BRF1: variants seen among roughly 807,000 people sequenced by gnomAD.
BRF1 encodes BRF1 general transcription factor IIIB subunit.
A neutral mutation model predicts 81.7 loss-of-function variants in BRF1; 59 were observed. That is an observed-to-expected ratio of 0.72 (90% CI 0.59 to 0.90). The LOEUF (loss-of-function observed/expected upper bound fraction) is 0.90, where lower values mean the gene tolerates loss of function less well. Ranked by LOEUF, BRF1 falls within the 40% of genes least tolerant of loss-of-function variation. The pLI is 0.00. For missense variants in BRF1, 1,050 were observed against 936.3 expected, an observed-to-expected ratio of 1.12 and a Z score of -1.58; for synonymous variants, 491 against 395.6, an observed-to-expected ratio of 1.24 and a Z score of -2.86.
intron 16 of BRF1, chr14:105,211,899 C>T (rs957307794): frequency 1.4e-5 from 9 of 649,348 alleles, no homozygotes; most frequent in South Asian, 5.5e-5. Context: ...AGGCACACAA[C>T]GGTCCCCACT....
At chr14:105,247,331 A>C in intron 5 of BRF1, 1 of 985,312 alleles carries the variant, frequency 1.0e-6, no homozygotes, top group Non-Finnish European at 1.2e-6. Flanking sequence ...CACCAACACT[A>C]CGTGACAAGT....
intron 15 of BRF1, among the ~76,000 whole-genome samples, chr14:105,215,812 GGCACACACACAT>G (rs1165330925): frequency 4.5e-5 from 5 of 111,008 alleles, no homozygotes; most frequent in Admixed American, 1.0e-4. Context: ...TGCATACACA[GGCACACACACAT>G]GCACACACAC....
intron 1 of BRF1, among the ~76,000 whole-genome samples, chr14:105,299,654 G>C (rs1292528915): frequency 1.3e-5 from 2 of 152,176 alleles, no homozygotes; most frequent in African/African-American, 4.8e-5. Flanking sequence ...CCCTAATAAG[G>C]TTGAACATCA....
chr14:105,210,736 G>C lies in BRF1; in HGVS notation c.1997-148C>G. The C allele has an allele frequency of 1.1e-6, 1 of 880,390 alleles. No homozygotes were observed. 54.5% of individuals were successfully genotyped at this position (880,390 alleles called of 1,614,324 possible). A position where few individuals can be genotyped will look rare whatever the true frequency, so the allele number is the denominator to read the frequency against. On this transcript the variant is annotated intron_variant, in intron 17 of 17. Transcript: ENST00000547530. The surrounding 1 kb of genome is among the most constrained non-coding windows in gnomAD (Gnocchi z 4.7). ...CCCGCGCCCCGCCAGGAGCCATCTT[G>C]GGCTCCTCTCCACCTCCCGGGACTG...
intron 3 of BRF1, among the ~76,000 whole-genome samples, chr14:105,267,328 G>A (rs1293210044): frequency 2.0e-5 from 3 of 150,758 alleles, no homozygotes; most frequent in East Asian, 3.9e-4. Context: ...TTTTTGAGAC[G>A]GGGCTCACTC....
chr14:105,282,958 T>TA (rs1487889906), intron 2 of BRF1, among the ~76,000 whole-genome samples: 1 of 151,246 alleles, frequency 6.6e-6, no homozygotes, highest in Non-Finnish European at 1.5e-5. Flanking sequence ...AAACAAAAGG[T>TA]AAGATAAATA....
chr14:105,225,622 G>C (rs983097244), intron 10 of BRF1, among the ~76,000 whole-genome samples: 1 of 151,510 alleles, frequency 6.6e-6, no homozygotes, highest in African/African-American at 2.4e-5. Flanking sequence ...GCCCCGCAAA[G>C]CTGTCTTTTG....
At chr14:105,268,936 G>A (rs1490371280) in intron 3 of BRF1, among the ~76,000 whole-genome samples, 1 of 152,230 alleles carries the variant, frequency 6.6e-6, no homozygotes, top group African/African-American at 2.4e-5. Context: ...GATTTTCTGT[G>A]GAAGGGAAGT....
At chr14:105,259,560 C>G (rs890161076) in intron 3 of BRF1, among the ~76,000 whole-genome samples, 11 of 152,216 alleles carry the variant, frequency 7.2e-5, no homozygotes, top group African/African-American at 2.7e-4. Context: ...CAAGAATACT[C>G]TGGCTGGTAT....
At chr14:105,302,209 T>C (rs1348278996), upstream of BRF1, among the ~76,000 whole-genome samples, 3 of 150,152 alleles carry the variant, frequency 2.0e-5, no homozygotes, top group African/African-American at 4.9e-5. Context: ...TCTTTCTTTT[T>C]TTTTTTTTTT....
intron 1 of BRF1, among the ~76,000 whole-genome samples, chr14:105,290,318 C>G (rs1361962765): frequency 6.6e-6 from 1 of 152,134 alleles, no homozygotes; most frequent in African/African-American, 2.4e-5. Context: ...ACTCAGGAGG[C>G]TGAAGCGGGA....
At position 105,314,119 on chromosome 14, in the gene BRF1, C is replaced by T. The variant is rs587627693; in HGVS notation, c.-162+1203G>A. Reference sequence around the variant, plus strand: ...CGCCCCGAGTGGCTTCGAGTCCCCGCGACCGCCGCCAGGCCCGGCCACCTC... The same window carrying T: ...CGCCCCGAGTGGCTTCGAGTCCCCGTGACCGCCGCCAGGCCCGGCCACCTC... On this transcript the variant is annotated intron_variant, in intron 1 of 17. Coordinates refer to the BRF1 transcript ENST00000327359. Among the ~76,000 whole-genome samples the T allele has an allele frequency of 9.0e-3, 1,371 of 152,348 alleles. 5 individuals are homozygous for T. The highest frequency in any genetic ancestry group is 0.014 in the Non-Finnish European group (942 of 68,022).
intron 3 of BRF1, among the ~76,000 whole-genome samples, chr14:105,262,782 C>G (rs2056218086): frequency 6.6e-6 from 1 of 152,172 alleles, no homozygotes; most frequent in African/African-American, 2.4e-5. Context: ...CCAGGAGGAG[C>G]TGAGTGGCAC....
At chr14:105,245,730 A>G (rs2055046676) in intron 5 of BRF1, among the ~76,000 whole-genome samples, 1 of 152,176 alleles carries the variant, frequency 6.6e-6, no homozygotes, top group South Asian at 2.1e-4. Flanking sequence ...CCACTTGCAA[A>G]TAAAGATAGA....
At chr14:105,211,974 C>A (rs1055753016) in intron 16 of BRF1, 139 bp downstream of exon 16, 2 of 1,303,498 alleles carry the variant, frequency 1.5e-6, no homozygotes, top group African/African-American at 1.5e-5. Flanking sequence ...TCTGGCCATG[C>A]CAGGCAAGTA....
chr14:105,226,931 A>T, intron 7 of BRF1, 171 bp from the exon 8 acceptor site: 3 of 785,898 alleles, frequency 3.8e-6, no homozygotes, highest in Non-Finnish European at 3.9e-6. Context: ...CAACACAGTG[A>T]GACTCTGTCT....
intron 1 of BRF1, among the ~76,000 whole-genome samples, chr14:105,306,496 G>C (rs1236822250): frequency 6.6e-6 from 1 of 151,902 alleles, no homozygotes; most frequent in Non-Finnish European, 1.5e-5. Flanking sequence ...GTAGAGATGG[G>C]GTTTCACCAT....
chr14:105,285,972 C>T (rs1373399206), intron 2 of BRF1, among the ~76,000 whole-genome samples: 3 of 152,224 alleles, frequency 2.0e-5, no homozygotes, highest in Admixed American at 2.0e-4. Context: ...TTTGACAAAA[C>T]GCAGTGAGAA....
At chr14:105,299,941 G>A (rs1194130751) in intron 1 of BRF1, among the ~76,000 whole-genome samples, 1 of 152,200 alleles carries the variant, frequency 6.6e-6, no homozygotes, top group African/African-American at 2.4e-5. Context: ...ACCTGAAACT[G>A]GCCACAGTCC....
Sources: allele counts gnomAD v4.1 joint callset (sites outside exome capture counted in the v4.1 genomes callset), GRCh38; gene constraint gnomAD v4.1.1; non-coding constraint Gnocchi (gnomAD v3.1); transcripts MANE v1.5; gene names NCBI Gene and HGNC (gene_info 2026-07-23, HGNC 2026-07-21).